Variants in HNRNPLL observed in about 807,000 individuals in gnomAD.
The protein encoded by HNRNPLL is heterogeneous nuclear ribonucleoprotein L like.
HNRNPLL carries 25 observed loss-of-function variants against 67.1 expected under a neutral mutation model. That is an observed-to-expected ratio of 0.37 (90% CI 0.27 to 0.52). The LOEUF is 0.52. Among genes scored for constraint, HNRNPLL ranks in the 20% least tolerant of loss-of-function variants. The pLI is 0.90. For synonymous variants in HNRNPLL, 267 were observed against 241.7 expected (o/e 1.10, Z -0.97); for missense variants, 542 against 673.9 (o/e 0.80, Z 2.17).
chr2:38,570,885 A>C (rs1402492241), intron 8 of HNRNPLL, among the ~76,000 whole-genome samples: 1 of 151,978 alleles, frequency 6.6e-6, no homozygotes, highest in African/African-American at 2.4e-5. Context: ...TCTACAAAAA[A>C]AAAAAATACA....
intron 1 of HNRNPLL, among the ~76,000 whole-genome samples, chr2:38,594,569 G>A (rs147844686): frequency 2.6e-5 from 4 of 152,140 alleles, no homozygotes; most frequent in South Asian, 2.1e-4. Flanking sequence ...AAGGATATAC[G>A]TTAAGTTGAA....
At chr2:38,593,261 T>A (rs527612317) in intron 1 of HNRNPLL, among the ~76,000 whole-genome samples, 2 of 152,334 alleles carry the variant, frequency 1.3e-5, no homozygotes, top group Admixed American at 6.5e-5. Context: ...ACAATCAGAC[T>A]CTGTCTAGAT....
chr2:38,567,100 T>G (rs1227634701), intron 12 of HNRNPLL, among the ~76,000 whole-genome samples: 1 of 151,728 alleles, frequency 6.6e-6, no homozygotes, highest in Non-Finnish European at 1.5e-5. Flanking sequence ...AGAATCATTT[T>G]GTTTTTTTAT....
Position 38,591,577 on chromosome 2 carries a change from C to T in HNRNPLL, c.261G>A (p.Val87=). 6.2e-7 allele frequency: 1 copy of T among 1,613,930 alleles called. No homozygotes were observed. Among genetic ancestry groups the T allele is most frequent in the Non-Finnish European group, 8.5e-7 (1 of 1,179,832 alleles). ...GCGCTTCCACGAGGTCTGCTTCCAC[C>T]ACAGATTCACAGAGTCCTCGAACAT... The part of the protein sequence containing the change: ...VVHVRGLCES[V]VEADLVEALE... Residue 87 remains valine, a synonymous_variant, in exon 2 of 13, where the codon GTG becomes GTA. Transcript: ENST00000449105.
intron 2 of HNRNPLL, 96 bp downstream of exon 2, chr2:38,591,434 C>A: frequency 1.3e-6 from 1 of 751,348 alleles, no homozygotes; most frequent in Non-Finnish European, 2.4e-6. Flanking sequence ...TATATACAAA[C>A]AATATTTACT....
rs2148398210 is a variant in HNRNPLL at position 38,602,428 on chromosome 2, G to A, written c.189+10C>T. ...CAGGCACAGCGGACAGGGGGGCCGC[G>A]CTTTGTTACCGGCTGAGAGAAGCTC... is the stretch of plus-strand genomic sequence containing the variant. On this transcript the variant is annotated intron_variant, in intron 1 of 12. Coordinates refer to ENST00000449105, the MANE Select transcript of HNRNPLL (RefSeq NM_138394.4). 3 of 1,541,780 alleles carry A rather than the reference G, an allele frequency of 1.9e-6. No individual in the cohort carries two copies. The highest frequency in any genetic ancestry group is 2.7e-5 in the African/African-American group (2 of 73,040).
chr2:38,576,225 T>C (rs910743376), intron 7 of HNRNPLL, among the ~76,000 whole-genome samples: 9 of 151,820 alleles, frequency 5.9e-5, no homozygotes, highest in African/African-American at 2.2e-4. Flanking sequence ...TGGCAAAATA[T>C]TTAACCAGTT....
chr2:38,578,570 T>G (rs1322883926), intron 6 of HNRNPLL, among the ~76,000 whole-genome samples: 1 of 152,050 alleles, frequency 6.6e-6, no homozygotes, highest in African/African-American at 2.4e-5. Context: ...CACTTCAGTC[T>G]AGAGAAGTAG....
chr2:38,577,749 ATATCTT>A (rs1375598054), intron 6 of HNRNPLL, among the ~76,000 whole-genome samples: 1 of 152,138 alleles, frequency 6.6e-6, no homozygotes, highest in East Asian at 1.9e-4. Context: ...TAACTTGAAT[ATATCTT>A]TTTGGCAAAT....
chr2:38,569,950 G>A, intron 8 of HNRNPLL, 25 bp from the exon 9 acceptor site: 1 of 1,546,178 alleles, frequency 6.5e-7, no homozygotes, highest in Non-Finnish European at 8.8e-7. Context: ...TTCCAAAAAG[G>A]TGACCATTTA....
chr2:38,568,452 G>T lies in HNRNPLL; in HGVS notation c.1417-9C>A, dbSNP rs191499249. 6.4e-6 allele frequency: 10 copies of T among 1,555,538 alleles called. 1 individual carries two copies. In the Admixed American group the frequency reaches 7.5e-5, roughly 12 times the overall value. ...TCATGGTCATTACACAACTGTCAAA[G>T]AAAGTAAAACTTCATTAAAAATATA... On this transcript the variant is annotated splice_polypyrimidine_tract_variant and intron_variant, in intron 10 of 12. Coordinates refer to ENST00000449105, the MANE Select transcript of HNRNPLL (RefSeq NM_138394.4).
rs774945614 is a variant in HNRNPLL, at chr2:38,568,413, T to C, written c.1447A>G (p.Ile483Val). 1 of 1,608,908 alleles carries C rather than the reference T, an allele frequency of 6.2e-7. No homozygotes were observed. Among genetic ancestry groups the C allele is most frequent in the South Asian group, 1.1e-5 (1 of 90,512 alleles). ...LCNDHEVLTF[I>V]KYKVFDAKPS... ...TTTGCATCAAACACTTTATATTTGA[T>C]GAATGTAAGAACTTCATGGTCATTA... Residue 483 changes from isoleucine (I) to valine (V), a missense_variant, in exon 11 of 13, where the codon ATC becomes GTC. This residue lies in a region of HNRNPLL where 415 missense variants were observed against 575.2 expected (regional missense o/e 0.72). Coordinates refer to ENST00000449105, the MANE Select transcript of HNRNPLL (RefSeq NM_138394.4).
chr2:38,594,174 CA>C (rs1036994390), intron 1 of HNRNPLL, among the ~76,000 whole-genome samples: 1 of 149,940 alleles, frequency 6.7e-6, no homozygotes, highest in Non-Finnish European at 1.5e-5. Flanking sequence ...GACTCCATCT[CA>C]AAAAAAAACC....
intron 1 of HNRNPLL, among the ~76,000 whole-genome samples, chr2:38,599,333 C>T (rs755041397): frequency 1.1e-4 from 17 of 152,212 alleles, no homozygotes; most frequent in Non-Finnish European, 2.2e-4. Flanking sequence ...AATAAATTAG[C>T]ACTCCATCCC....
chr2:38,590,372 G>A (rs1476954831), intron 2 of HNRNPLL, among the ~76,000 whole-genome samples: 1 of 152,128 alleles, frequency 6.6e-6, no homozygotes, highest in African/African-American at 2.4e-5. Flanking sequence ...AATTGAAGCA[G>A]TAAGGGTAAG....
chr2:38,594,363 T>C (rs1667089930), intron 1 of HNRNPLL, among the ~76,000 whole-genome samples: 1 of 152,146 alleles, frequency 6.6e-6, no homozygotes, highest in African/African-American at 2.4e-5. Flanking sequence ...ATAGTAATGG[T>C]TATGTAAGAG....
At chr2:38,594,028 A>C (rs954003702) in intron 1 of HNRNPLL, among the ~76,000 whole-genome samples, 1 of 151,132 alleles carries the variant, frequency 6.6e-6, no homozygotes, top group African/African-American at 2.4e-5. Flanking sequence ...CAAAAAAATT[A>C]GCCGGGCATG....
intron 12 of HNRNPLL, among the ~76,000 whole-genome samples, chr2:38,567,451 T>C (rs538319592): frequency 6.6e-6 from 1 of 152,096 alleles, no homozygotes; most frequent in East Asian, 1.9e-4. Context: ...ATATACACAC[T>C]AGGGAAGAAA....
intron 1 of HNRNPLL, among the ~76,000 whole-genome samples, chr2:38,595,296 AAG>A (rs1337640401): frequency 4.2e-5 from 6 of 142,628 alleles, no homozygotes; most frequent in African/African-American, 1.6e-4. Flanking sequence ...AAAAAAAAAA[AAG>A]AAAAGAAAAA....
Sources: gnomAD v4.1 joint callset for allele counts (sites outside exome capture counted in the v4.1 genomes callset) on GRCh38, gnomAD v4.1.1 for gene constraint, gnomAD v4.1.1 regional missense constraint, MANE v1.5 for transcripts, NCBI Gene and HGNC (gene_info 2026-07-23, HGNC 2026-07-21) for gene names.